PKHD1: variants seen among roughly 807,000 people sequenced by gnomAD.
PKHD1 encodes PKHD1 ciliary IPT domain containing fibrocystin/polyductin, also known as fibrocystin.
A neutral mutation model predicts 412.0 loss-of-function variants in PKHD1; 291 were observed. That is an observed-to-expected ratio of 0.71 (90% CI 0.64 to 0.78). The LOEUF (loss-of-function observed/expected upper bound fraction) is 0.78. Ranked by LOEUF, PKHD1 falls within the 30% of genes least tolerant of loss-of-function variation. The probability of loss-of-function intolerance (pLI) is 0.00; values close to 1 mark genes in which losing one functional copy is unlikely to be tolerated. For synonymous variants in PKHD1, 1,777 were observed against 1,821.5 expected (o/e 0.98, Z 0.62); for missense variants, 4,825 against 4,950.7 (o/e 0.97, Z 0.76).
chr6:51,863,850 T>A (rs1401951579), intron 48 of PKHD1, among the ~76,000 whole-genome samples: 2 of 151,822 alleles, frequency 1.3e-5, no homozygotes, highest in Non-Finnish European at 2.9e-5. Context: ...CAGTCCACTA[T>A]TTTTTATTTA....
chr6:51,754,830 C>A lies in PKHD1; in HGVS notation c.8751G>T (p.Lys2917Asn). 2 of 1,613,536 alleles carry A rather than the reference C, an allele frequency of 1.2e-6. No homozygotes were observed. The highest frequency in any genetic ancestry group is 2.2e-5 in the South Asian group (2 of 91,060). Residue 2917 changes from lysine (K) to asparagine (N), a missense_variant, in exon 56 of 67, where the codon AAG becomes AAT. Coordinates refer to ENST00000371117, the MANE Select transcript of PKHD1 (RefSeq NM_138694.4). ...EAEVLTVKEV[K>N]GHHVRIYERL... ...GTTCATAGATCCTCACATGGTGGCC[C>A]TTGACTTCTTTCACAGTGAGGACCT...
intron 52 of PKHD1, among the ~76,000 whole-genome samples, chr6:51,818,750 T>C (rs1417810059): frequency 6.6e-6 from 1 of 152,132 alleles, no homozygotes; most frequent in East Asian, 1.9e-4. Context: ...AGAAGTGTCA[T>C]GTGAGAAATA....
At position 52,044,966 on chromosome 6, in the gene PKHD1, C is replaced by T; in HGVS notation, c.2715G>A (p.Gln905=). ...DMLATANQHT[Q]VVVRVNDVPA... ...CTTAGGGTGGCCCATTCACTCTCAC[C>T]TGAGTATGCTGGTTGGCAGTAGCCA... The change falls in exon 25 of 67, where the codon CAG becomes CAA. Residue 905 remains glutamine, a splice_region_variant and synonymous_variant. Coordinates refer to ENST00000371117, the MANE Select transcript of PKHD1 (RefSeq NM_138694.4). 6.2e-7 allele frequency: 1 copy of T among 1,613,536 alleles called. No homozygotes were observed. The highest frequency in any genetic ancestry group is 8.5e-7 in the Non-Finnish European group (1 of 1,179,540).
intron 65 of PKHD1, among the ~76,000 whole-genome samples, chr6:51,628,433 T>C (rs1206868068): frequency 6.6e-6 from 1 of 152,210 alleles, no homozygotes; most frequent in Non-Finnish European, 1.5e-5. Context: ...CTGCATTCTA[T>C]TCCATGGTAT....
chr6:52,013,554 C>T (rs958535607), intron 34 of PKHD1, among the ~76,000 whole-genome samples: 1 of 152,048 alleles, frequency 6.6e-6, no homozygotes, highest in African/African-American at 2.4e-5. Flanking sequence ...TTAAGAAGCA[C>T]AGTTGGCCAT....
In PKHD1 at chr6:52,066,454, T is replaced by A. The variant is rs569595907; in HGVS notation, c.779-377A>T. 7.6e-4 allele frequency among the ~76,000 whole-genome samples: 115 copies of A among 152,302 alleles called. 1 individual carries two copies. Among genetic ancestry groups the A allele is most frequent in the African/African-American group, 2.5e-3 (104 of 41,570 alleles). ...CAACTTTGGGTACACTGGGAAAGGC[T>A]TCAGTTCACCCATATGAATCTGTAA... On this transcript the variant is annotated intron_variant, in intron 11 of 66. Transcript: ENST00000371117.
Position 51,903,638 on chromosome 6 carries a change from G to C in PKHD1, c.6955C>G (p.Pro2319Ala), listed in dbSNP as rs992925451. ...GGACTGCAGATATAGATGCCAGATGGTGTCAACATTTCAGGATTGGAGAGT... is the reference window on the plus strand; with the variant it reads ...GGACTGCAGATATAGATGCCAGATGCTGTCAACATTTCAGGATTGGAGAGT... ...EGLSNPEMLT[P>A]SGIYICSPTN... Residue 2319 changes from proline (P) to alanine (A), a missense_variant, in exon 43 of 67, where the codon CCA becomes GCA. Transcript: ENST00000371117. 2 of 1,611,228 alleles carry C rather than the reference G, an allele frequency of 1.2e-6. No homozygotes were observed. The highest frequency in any genetic ancestry group is 1.7e-5 in the Admixed American group (1 of 59,942).
chr6:51,951,042 C>G (rs1790291026), intron 36 of PKHD1, among the ~76,000 whole-genome samples: 1 of 152,130 alleles, frequency 6.6e-6, no homozygotes, highest in Non-Finnish European at 1.5e-5. Flanking sequence ...TGTATTAACT[C>G]TGTACTAATT....
At chr6:51,925,795 T>G (rs4711989) in intron 37 of PKHD1, among the ~76,000 whole-genome samples, 47,551 of 151,256 alleles carry the variant, frequency 0.31, 8,823 homozygotes, top group East Asian at 0.75. Flanking sequence ...TCTCCCTTCC[T>G]CTCTCTCTTT....
chr6:51,655,192 G>A (rs901505277), intron 61 of PKHD1, among the ~76,000 whole-genome samples: 14 of 152,082 alleles, frequency 9.2e-5, no homozygotes, highest in Non-Finnish European at 1.6e-4. Context: ...ATCTCTTCTA[G>A]GATGAACATT....
chr6:51,728,554 C>T (rs924991419), intron 60 of PKHD1, among the ~76,000 whole-genome samples: 1 of 152,170 alleles, frequency 6.6e-6, no homozygotes, highest in Non-Finnish European at 1.5e-5. Flanking sequence ...GGTTACACGA[C>T]CACAGTCCTA....
chr6:51,795,006 C>T (rs539378795), intron 52 of PKHD1, among the ~76,000 whole-genome samples: 3 of 152,190 alleles, frequency 2.0e-5, no homozygotes, highest in Admixed American at 2.0e-4. Context: ...CTTGGCTATT[C>T]GGGCTCTTGT....
In PKHD1 at chr6:52,017,392, G is replaced by A. The variant is rs770058107; in HGVS notation, c.5600+18C>T. ...AAGCATTTGTGGGGAAGTTCAGGGA[G>A]GGAGAAGGTAAAGTTACCTGATAAA... On this transcript the variant is annotated intron_variant, in intron 34 of 66. Transcript: ENST00000371117. The A allele has an allele frequency of 3.9e-6, 6 of 1,534,976 alleles. No homozygotes were observed. The highest frequency in any genetic ancestry group is 5.4e-6 in the Non-Finnish European group (6 of 1,107,962).
At chr6:51,813,844 C>T (rs1338664986) in intron 52 of PKHD1, among the ~76,000 whole-genome samples, 1 of 152,096 alleles carries the variant, frequency 6.6e-6, no homozygotes, top group Non-Finnish European at 1.5e-5. Context: ...TAATAAAATA[C>T]TATATTTTCT....
chr6:51,845,088 T>C (rs10948655), intron 50 of PKHD1, among the ~76,000 whole-genome samples: 61,642 of 152,008 alleles, frequency 0.41, 13,699 homozygotes, highest in East Asian at 0.86. Context: ...ATAAAATGCA[T>C]GGCACAGAAC....
At chr6:51,849,416 G>A (rs1235474868) in intron 49 of PKHD1, among the ~76,000 whole-genome samples, 1 of 152,134 alleles carries the variant, frequency 6.6e-6, no homozygotes, top group Non-Finnish European at 1.5e-5. Flanking sequence ...ACCCTGCAAT[G>A]GGATTGCTGG....
rs147095350 is a variant in PKHD1 at position 51,753,008 on chromosome 6, A to G, written c.8950+193T>C. 3.2e-3 allele frequency among the ~76,000 whole-genome samples: 494 copies of G among 152,344 alleles called. 3 individuals are homozygous for G. The highest frequency in any genetic ancestry group is 0.012 in the African/African-American group (479 of 41,584). Reference sequence around the variant, plus strand: ...ATGTGCATATGTGCTGACCACTAGTATATTATTTTAACATCACACTGATAA... The same window carrying G: ...ATGTGCATATGTGCTGACCACTAGTGTATTATTTTAACATCACACTGATAA... On this transcript the variant is annotated intron_variant, in intron 57 of 66. Coordinates refer to ENST00000371117, the MANE Select transcript of PKHD1 (RefSeq NM_138694.4).
intron 4 of PKHD1, 126 bp downstream of exon 4, chr6:52,082,265 CT>C (rs1258198127): frequency 7.3e-6 from 7 of 962,818 alleles, no homozygotes; most frequent in East Asian, 4.8e-5. Flanking sequence ...TCACATGAAA[CT>C]TTTTTTAACA....
intron 9 of PKHD1, among the ~76,000 whole-genome samples, chr6:52,070,708 G>A (rs1394919472): frequency 6.6e-6 from 1 of 152,082 alleles, no homozygotes. Flanking sequence ...GCAGGGAAGA[G>A]CCCAGGCTTC....
Sources: allele counts gnomAD v4.1 joint callset (sites outside exome capture counted in the v4.1 genomes callset), GRCh38; gene constraint gnomAD v4.1.1; transcripts MANE v1.5; gene names NCBI Gene and HGNC (gene_info 2026-07-23, HGNC 2026-07-21).